The following ELF4 variants were observed in gnomAD, a reference collection of about 807,000 sequenced individuals.
The protein encoded by ELF4 is ETS-related transcription factor Elf-4.
In ELF4, 10 loss-of-function variants were observed where a neutral mutation model predicts 31.7. The ratio of observed to expected loss-of-function variants is 0.32; its 90% CI spans 0.19 to 0.54. ELF4 has a LOEUF of 0.54. Among genes scored for constraint, ELF4 ranks in the 20% least tolerant of loss-of-function variants. The pLI is 0.95. For missense variants in ELF4, 418 were observed against 522.0 expected, an observed-to-expected ratio of 0.80 and a Z score of 1.94; for synonymous variants, 208 against 226.7, an observed-to-expected ratio of 0.92 and a Z score of 0.74.
In ELF4 at chrX:130,110,071, G is replaced by A. The variant is rs1056573340; in HGVS notation, c.-210+254C>T. On this transcript the variant is annotated intron_variant, in intron 1 of 8. Transcript: ENST00000308167. ...TCACGGAACCCAGGCTGCCGGGGGC[G>A]AGGGAAAACAGGGGCCCCTACCCCG... Among the ~76,000 whole-genome samples the A allele has an allele frequency of 2.7e-5, 3 of 111,793 alleles. No homozygotes were observed. In the Admixed American group the frequency reaches 2.8e-4, roughly 10 times the overall value.
rs145786527 is a variant in ELF4 at position 130,067,482 on chromosome X, C to T, written c.1231G>A (p.Val411Met). The T allele has an allele frequency of 2.6e-4, 313 of 1,210,172 alleles. No homozygotes were observed. In the African/African-American group the frequency reaches 3.8e-3, roughly 15 times the overall value. ...PSNIHLGVAP[V>M]GSGSALTLQT... ...AGGGTCAGGGCCGAGCCCGACCCCA[C>T]GGGGGCCACTCCTAGGTGGATGTTG... The change falls in exon 9 of 9, where the codon GTG (valine) becomes ATG (methionine). Residue 411 changes from valine to methionine, a missense_variant. Val to Met is a conservative substitution (Grantham distance 21, BLOSUM62 1). Coordinates refer to ENST00000308167, the MANE Select transcript of ELF4 (RefSeq NM_001421.4).
chrX:130,071,900 T>G (rs1398365871), intron 5 of ELF4, among the ~76,000 whole-genome samples: 1 of 112,370 alleles, frequency 8.9e-6, no homozygotes, highest in Non-Finnish European at 1.9e-5. Flanking sequence ...TGACTGGTCT[T>G]TTATAGGCTG....
At chrX:130,068,180 T>C (rs1932733295) in intron 8 of ELF4, among the ~76,000 whole-genome samples, 1 of 112,282 alleles carries the variant, frequency 8.9e-6, no homozygotes, top group South Asian at 3.7e-4. Flanking sequence ...GATTGACATG[T>C]GGCATTTCAC....
Position 130,064,293 on chromosome X carries a change from C to G in ELF4, c.*2428G>C, listed in dbSNP as rs1338247185. Among the ~76,000 whole-genome samples the G allele has an allele frequency of 7.2e-5, 8 of 111,272 alleles. No individual in the cohort carries two copies. Among genetic ancestry groups the G allele is most frequent in the African/African-American group, 2.6e-4 (8 of 30,565 alleles). ...GCTCTACTGAAAATACAAAAATTAG[C>G]TGGGCATGGTGGCATGTGCCTGTAC... On this transcript the variant is annotated 3_prime_UTR_variant, in exon 9 of 9. Coordinates refer to ENST00000308167, the MANE Select transcript of ELF4 (RefSeq NM_001421.4).
intron 1 of ELF4, among the ~76,000 whole-genome samples, chrX:130,096,779 G>A (rs1304258064): frequency 1.8e-5 from 2 of 110,894 alleles, no homozygotes; most frequent in African/African-American, 6.6e-5. Context: ...CAGGGTCACT[G>A]AGTATGCATG....
Position 130,067,330 on chromosome X carries a change from G to T in ELF4, c.1383C>A (p.Ala461=), listed in dbSNP as rs1458121274. The change falls in exon 9 of 9, where the codon GCC becomes GCA. Residue 461 remains alanine, a synonymous_variant. Coordinates refer to ENST00000308167, the MANE Select transcript of ELF4 (RefSeq NM_001421.4). ...GGAAACTGGCGTTCAGGGGGAAAGA[G>T]GCCTGCAAAGTGAAGGTGTCCTTGA... ...STFKDTFTLQ[A]SFPLNASFQD... The T allele has an allele frequency of 8.2e-7, 1 of 1,212,287 alleles. No homozygotes were observed. The highest frequency in any genetic ancestry group is 1.8e-5 in the South Asian group (1 of 57,049).
At chrX:130,073,093 A>C (rs1932802548) in intron 4 of ELF4, among the ~76,000 whole-genome samples, 1 of 110,942 alleles carries the variant, frequency 9.0e-6, no homozygotes, top group South Asian at 3.8e-4. Context: ...TCTTTATTTT[A>C]TTTATTTATT....
chrX:130,083,303 T>C (rs1219883849), intron 1 of ELF4, among the ~76,000 whole-genome samples: 1 of 88,838 alleles, frequency 1.1e-5, no homozygotes, highest in Non-Finnish European at 2.2e-5. Context: ...TGCGACCCAT[T>C]CTCCACTGGT....
At chrX:130,085,168 T>C (rs1185950039) in intron 1 of ELF4, among the ~76,000 whole-genome samples, 1 of 111,792 alleles carries the variant, frequency 8.9e-6, no homozygotes, top group Non-Finnish European at 1.9e-5. Flanking sequence ...TGGCAAGAGC[T>C]CCACTCCCTT....
intron 1 of ELF4, among the ~76,000 whole-genome samples, chrX:130,083,094 C>CCACCCT (rs1212209996): frequency 1.0e-5 from 1 of 98,703 alleles, no homozygotes; most frequent in Non-Finnish European, 2.0e-5. Flanking sequence ...TGCCCCACCC[C>CCACCCT]CACCCTCACC....
At chrX:130,079,492 G>T (rs1052668487) in intron 2 of ELF4, among the ~76,000 whole-genome samples, 1 of 111,516 alleles carries the variant, frequency 9.0e-6, no homozygotes, top group Non-Finnish European at 1.9e-5. Context: ...AGATACAAGA[G>T]AGAGGAAGTG....
upstream of ELF4, among the ~76,000 whole-genome samples, chrX:130,111,452 C>G (rs776263167): frequency 1.4e-4 from 16 of 112,918 alleles, no homozygotes; most frequent in South Asian, 5.7e-3. Context: ...AGCGGGAGGG[C>G]GGGCCGTGCG....
rs1932625738 is a variant in ELF4 at position 130,064,889 on chromosome X, G to T, written c.*1832C>A. On this transcript the variant is annotated 3_prime_UTR_variant, in exon 9 of 9. Coordinates refer to ENST00000308167, the MANE Select transcript of ELF4 (RefSeq NM_001421.4). The stretch of plus-strand genomic sequence containing the variant: ...TTATGCAAAATTTTTTTTTAATGGT[G>T]ACCCTTTATCAAGATGCTTACTTTC... 6.9e-6 allele frequency: 1 copy of T among 145,054 alleles called. No individual in the cohort carries two copies. The highest frequency in any genetic ancestry group is 1.4e-5 in the Non-Finnish European group (1 of 73,162). The allele number at this position is 145,054 out of a possible 1,213,427, so 12.0% of individuals were successfully genotyped here. A position where few individuals can be genotyped will look rare whatever the true frequency, so the allele number is the denominator to read the frequency against.
At chrX:130,083,274 A>G (rs762021181) in intron 1 of ELF4, among the ~76,000 whole-genome samples, 1 of 26,016 alleles carries the variant, frequency 3.8e-5, no homozygotes, top group African/African-American at 1.5e-4. Flanking sequence ...CCACCACCCC[A>G]CCCCCACCAG....
At chrX:130,082,094 C>T (rs1473262789) in intron 1 of ELF4, among the ~76,000 whole-genome samples, 1 of 111,769 alleles carries the variant, frequency 8.9e-6, no homozygotes, top group Non-Finnish European at 1.9e-5. Context: ...TGAAGTCAGC[C>T]TAATCTTACC....
rs1932619867 is a variant in ELF4 at position 130,064,498 on chromosome X, C to T, written c.*2223G>A. Among the ~76,000 whole-genome samples, 1 of 112,112 alleles carries T rather than the reference C, an allele frequency of 8.9e-6. No individual in the cohort carries two copies. Among genetic ancestry groups the T allele is most frequent in the African/African-American group, 3.2e-5 (1 of 30,849 alleles). Reference sequence around the variant, plus strand: ...CTATCTTTAAGGAGCTGACAAGCACCCACATGGAAATGTTCAGCAGATTGC... The same window carrying T: ...CTATCTTTAAGGAGCTGACAAGCACTCACATGGAAATGTTCAGCAGATTGC... On this transcript the variant is annotated 3_prime_UTR_variant, in exon 9 of 9. Coordinates refer to ENST00000308167, the MANE Select transcript of ELF4 (RefSeq NM_001421.4).
At chrX:130,085,551 C>T (rs982970369) in intron 1 of ELF4, among the ~76,000 whole-genome samples, 1 of 110,867 alleles carries the variant, frequency 9.0e-6, no homozygotes, top group East Asian at 2.9e-4. Flanking sequence ...CCACAGTCTC[C>T]GTGGAGTGAG....
intron 2 of ELF4, among the ~76,000 whole-genome samples, chrX:130,076,710 C>T (rs1187636308): frequency 2.7e-5 from 3 of 112,292 alleles, no homozygotes; most frequent in African/African-American, 9.7e-5. Flanking sequence ...AGATTACAGA[C>T]GTAAGCCACT....
intron 1 of ELF4, among the ~76,000 whole-genome samples, chrX:130,098,921 C>T (rs901389388): frequency 3.6e-5 from 4 of 112,101 alleles, no homozygotes; most frequent in Non-Finnish European, 1.9e-5. Context: ...CCAGACTGGG[C>T]TCATCTTCCA....
Sources: gnomAD v4.1 joint callset for allele counts (sites outside exome capture counted in the v4.1 genomes callset) on GRCh38, gnomAD v4.1.1 for gene constraint, MANE v1.5 for transcripts, NCBI Gene and HGNC (gene_info 2026-07-23, HGNC 2026-07-21) for gene names.